The following STXBP5L variants were observed in gnomAD, a reference collection of about 807,000 sequenced individuals.
STXBP5L encodes syntaxin binding protein 5L.
A neutral mutation model predicts 144.5 loss-of-function variants in STXBP5L; 65 were observed. That is an observed-to-expected ratio of 0.45 (90% CI 0.37 to 0.55). The LOEUF is 0.55. Among genes scored for constraint, STXBP5L ranks in the 20% least tolerant of loss-of-function variants. The pLI is 0.00. For synonymous variants in STXBP5L, 505 were observed against 469.6 expected (o/e 1.08, Z -0.97); for missense variants, 1,298 against 1,405.5 (o/e 0.92, Z 1.22).
chr3:121,021,139 A>G (rs1397298911), intron 3 of STXBP5L, among the ~76,000 whole-genome samples: 1 of 152,120 alleles, frequency 6.6e-6, no homozygotes, highest in Admixed American at 6.5e-5. Flanking sequence ...ATCAGACAAA[A>G]CAAAGTTTAA....
At chr3:121,005,440 C>G (rs1191881610) in intron 3 of STXBP5L, among the ~76,000 whole-genome samples, 2 of 152,100 alleles carry the variant, frequency 1.3e-5, no homozygotes, top group Non-Finnish European at 2.9e-5. Context: ...ATTCTTCTCT[C>G]TTTTCTTCTT....
At chr3:121,333,933 T>C (rs1279877437) in intron 20 of STXBP5L, among the ~76,000 whole-genome samples, 3 of 152,082 alleles carry the variant, frequency 2.0e-5, no homozygotes, top group Non-Finnish European at 2.9e-5. Context: ...TCATCTTGAA[T>C]TGTATCTCCC....
intron 24 of STXBP5L, among the ~76,000 whole-genome samples, chr3:121,415,103 T>C (rs1248679761): frequency 6.6e-6 from 1 of 152,146 alleles, no homozygotes; most frequent in Admixed American, 6.5e-5. Context: ...TGGAAGTTCA[T>C]AGGAAACCAA....
At position 121,324,945 on chromosome 3, in the gene STXBP5L, GA is replaced by G. The variant is rs545752154; in HGVS notation, c.2176+6406del. On this transcript the variant is annotated intron_variant, in intron 20 of 26. Transcript: ENST00000471454. Reference sequence around the variant, plus strand: ...AATCTTAAGATCCAAACAATAGTAAGATTTTTTTTATATTCTCTGTAATTCT... The same window carrying G: ...AATCTTAAGATCCAAACAATAGTAAGTTTTTTTTATATTCTCTGTAATTCT... Among the ~76,000 whole-genome samples, 270 of 152,042 alleles carry G rather than the reference GA, an allele frequency of 1.8e-3. 1 individual carries two copies. Among genetic ancestry groups the G allele is most frequent in the African/African-American group, 5.7e-3 (236 of 41,530 alleles).
chr3:120,983,328 G>C (rs1300630164), intron 3 of STXBP5L, among the ~76,000 whole-genome samples: 2 of 152,152 alleles, frequency 1.3e-5, no homozygotes, highest in Non-Finnish European at 2.9e-5. Flanking sequence ...CTCTCAGTGG[G>C]ATCAGCAAAG....
intron 19 of STXBP5L, among the ~76,000 whole-genome samples, chr3:121,307,135 C>T (rs896308643): frequency 7.2e-5 from 11 of 151,948 alleles, no homozygotes; most frequent in African/African-American, 1.2e-4. Flanking sequence ...ATAGTCTAGC[C>T]GAGTCACTGA....
At chr3:120,982,760 G>A (rs529308703) in intron 3 of STXBP5L, among the ~76,000 whole-genome samples, 12 of 152,174 alleles carry the variant, frequency 7.9e-5, no homozygotes, top group African/African-American at 1.9e-4. Context: ...GGTTGGGTTG[G>A]CCTGACTTAG....
intron 20 of STXBP5L, among the ~76,000 whole-genome samples, chr3:121,320,469 G>A (rs1167776462): frequency 6.6e-6 from 1 of 151,778 alleles, no homozygotes; most frequent in Non-Finnish European, 1.5e-5. Context: ...TCCTTCTAAA[G>A]GAAAAAATTG....
intron 3 of STXBP5L, among the ~76,000 whole-genome samples, chr3:121,031,066 A>T (rs1946334777): frequency 6.6e-6 from 1 of 152,098 alleles, no homozygotes; most frequent in South Asian, 2.1e-4. Flanking sequence ...TGCATGTGAG[A>T]ATTACTCAGA....
chr3:121,009,962 C>G (rs1258702596), intron 3 of STXBP5L, among the ~76,000 whole-genome samples: 1 of 151,870 alleles, frequency 6.6e-6, no homozygotes, highest in Non-Finnish European at 1.5e-5. Flanking sequence ...AACACATCAA[C>G]AGTTGCACAC....
chr3:121,100,331 C>T (rs1421718323), intron 5 of STXBP5L, among the ~76,000 whole-genome samples: 1 of 152,126 alleles, frequency 6.6e-6, no homozygotes, highest in Admixed American at 6.6e-5. Context: ...ATACTCCAAA[C>T]TTGACCACAT....
intron 18 of STXBP5L, among the ~76,000 whole-genome samples, chr3:121,273,414 T>TA (rs987901625): frequency 6.6e-6 from 1 of 152,158 alleles, no homozygotes; most frequent in Non-Finnish European, 1.5e-5. Context: ...TGTAACAAGT[T>TA]ACTATTCTCT....
intron 3 of STXBP5L, among the ~76,000 whole-genome samples, chr3:120,980,032 G>A (rs1291174589): frequency 2.0e-5 from 3 of 152,056 alleles, no homozygotes; most frequent in African/African-American, 4.8e-5. Context: ...GTATCTTTTT[G>A]ATAGTTTCTG....
intron 5 of STXBP5L, among the ~76,000 whole-genome samples, chr3:121,111,321 G>A (rs998608396): frequency 6.6e-6 from 1 of 152,160 alleles, no homozygotes. Flanking sequence ...GAAGCACTCT[G>A]CTTTTTGAGT....
chr3:120,939,304 T>A (rs561547199), intron 2 of STXBP5L, among the ~76,000 whole-genome samples: 48 of 152,320 alleles, frequency 3.2e-4, no homozygotes, highest in African/African-American at 1.1e-3. Context: ...AGGACAGCTG[T>A]CATTTTCAAG....
At chr3:120,917,482 G>A (rs1032345286) in intron 2 of STXBP5L, among the ~76,000 whole-genome samples, 1 of 152,110 alleles carries the variant, frequency 6.6e-6, no homozygotes, top group Non-Finnish European at 1.5e-5. Context: ...AAAAGCAATT[G>A]AGGCTACCAG....
chr3:121,327,952 G>T (rs1344024703), intron 20 of STXBP5L, among the ~76,000 whole-genome samples: 1 of 152,160 alleles, frequency 6.6e-6, no homozygotes, highest in Non-Finnish European at 1.5e-5. Flanking sequence ...GTTTTTCAGG[G>T]TGTGAAGGAT....
chr3:121,279,040 A>C, intron 18 of STXBP5L, among the ~76,000 whole-genome samples: 1 of 151,918 alleles, frequency 6.6e-6, no homozygotes, highest in East Asian at 1.9e-4. Flanking sequence ...GCAAAACAAC[A>C]TTCATATAAC....
At chr3:121,328,623 G>A (rs776701203) in intron 20 of STXBP5L, among the ~76,000 whole-genome samples, 16 of 152,020 alleles carry the variant, frequency 1.1e-4, no homozygotes, top group African/African-American at 2.4e-4. Flanking sequence ...GGTGGCATGC[G>A]CCTGTAATCC....
Sources: gnomAD v4.1 joint callset for allele counts (sites outside exome capture counted in the v4.1 genomes callset) on GRCh38, gnomAD v4.1.1 for gene constraint, MANE v1.5 for transcripts, NCBI Gene and HGNC (gene_info 2026-07-23, HGNC 2026-07-21) for gene names.